Variants in PRRC2B observed in about 807,000 individuals in gnomAD.
PRRC2B encodes proline rich coiled-coil 2B, also known as protein PRRC2B.
In PRRC2B, 68 loss-of-function variants were observed where a neutral mutation model predicts 242.3. That is an observed-to-expected ratio of 0.28 (90% CI 0.23 to 0.34). PRRC2B has a LOEUF of 0.34. Among genes scored for constraint, PRRC2B ranks in the 10% least tolerant of loss-of-function variants. The pLI, the probability that PRRC2B is intolerant of heterozygous loss-of-function variation, is 1.00. For missense variants in PRRC2B, 2,835 were observed against 2,954.8 expected, an observed-to-expected ratio of 0.96 and a Z score of 0.94; for synonymous variants, 1,228 against 1,173.6, an observed-to-expected ratio of 1.05 and a Z score of -0.95.
chr9:131,476,738 A>T (rs558247170), intron 16 of PRRC2B, among the ~76,000 whole-genome samples: 177 of 68,924 alleles, frequency 2.6e-3, no homozygotes, highest in Non-Finnish European at 4.6e-3. Flanking sequence ...TCCCACCCCC[A>T]CCCCCACCCC....
chr9:131,452,640 C>T (rs1445149610), intron 9 of PRRC2B, among the ~76,000 whole-genome samples: 4 of 151,560 alleles, frequency 2.6e-5, no homozygotes, highest in African/African-American at 9.7e-5. Flanking sequence ...TTAATCTTTA[C>T]GAAGCAGCAG....
At chr9:131,404,867 T>C (rs1377280030) in intron 1 of PRRC2B, among the ~76,000 whole-genome samples, 1 of 152,226 alleles carries the variant, frequency 6.6e-6, no homozygotes, top group African/African-American at 2.4e-5. Context: ...TTGGTCAAAC[T>C]GTACCAGATT....
chr9:131,413,935 G>A (rs896459712), intron 1 of PRRC2B, among the ~76,000 whole-genome samples: 16 of 152,144 alleles, frequency 1.1e-4, no homozygotes, highest in African/African-American at 3.9e-4. Flanking sequence ...CTCCCAAAGT[G>A]CTGGGATTAC....
chr9:131,479,873 G>T (rs1247015538), intron 19 of PRRC2B, among the ~76,000 whole-genome samples: 1 of 152,156 alleles, frequency 6.6e-6, no homozygotes, highest in African/African-American at 2.4e-5. Context: ...ACTGAGACCA[G>T]AAGACGGTAT....
rs780439828 is a variant in PRRC2B at position 131,479,271 on chromosome 9, G to A, written c.4778G>A (p.Gly1593Asp). Residue 1593 changes from glycine (G) to aspartate (D), a missense_variant, in exon 19 of 32, where the codon GGC becomes GAC. Gly to Asp is a moderately conservative substitution (Grantham distance 94, BLOSUM62 -1). Coordinates refer to ENST00000683519, the MANE Select transcript of PRRC2B (RefSeq NM_013318.4). ...QAVQVPVKGR[G>D]LSSRIPPRFA... ...CCTCAGGTGCCTGTCAAAGGTCGAG[G>A]CCTTTCCTCCCGTATTCCTCCTCGA... 3 of 1,613,688 alleles carry A rather than the reference G, an allele frequency of 1.9e-6. No individual in the cohort carries two copies. The African/African-American group carries it at 4.0e-5, about 22-fold the overall frequency.
Position 131,435,979 on chromosome 9 carries a change from A to G in PRRC2B, c.294-641A>G, listed in dbSNP as rs142493159. 1.0e-3 allele frequency among the ~76,000 whole-genome samples: 152 copies of G among 152,324 alleles called. 1 individual carries two copies. Among genetic ancestry groups the G allele is most frequent in the African/African-American group, 3.3e-3 (139 of 41,568 alleles). Reference sequence around the variant, plus strand: ...TGTTCTGTGTTACCTAGTTTTATTTATAAGTTTATTTTTACTATGAGCATG... The same window carrying G: ...TGTTCTGTGTTACCTAGTTTTATTTGTAAGTTTATTTTTACTATGAGCATG... On this transcript the variant is annotated intron_variant, in intron 3 of 31. Coordinates refer to ENST00000683519, the MANE Select transcript of PRRC2B (RefSeq NM_013318.4).
In PRRC2B at chr9:131,432,690, G is replaced by C; in HGVS notation, c.189G>C (p.Leu63=). ...GGCGCATGCCACCGCCTGCAAACCTGCCAAGCTTGAAGTCTGAAAACAAAG... is the reference window on the plus strand; with the variant it reads ...GGCGCATGCCACCGCCTGCAAACCTCCCAAGCTTGAAGTCTGAAAACAAAG... The part of the protein sequence containing the change: ...AARRMPPPAN[L]PSLKSENKGN... Residue 63 remains leucine, a synonymous_variant, in exon 3 of 32, where the codon CTG becomes CTC. Coordinates refer to ENST00000683519, the MANE Select transcript of PRRC2B (RefSeq NM_013318.4). 6.2e-7 allele frequency: 1 copy of C among 1,613,844 alleles called. No individual in the cohort carries two copies. The highest frequency in any genetic ancestry group is 8.5e-7 in the Non-Finnish European group (1 of 1,179,848).
chr9:131,418,083 CAG>C (rs1428663664), intron 1 of PRRC2B, among the ~76,000 whole-genome samples: 4 of 152,238 alleles, frequency 2.6e-5, no homozygotes, highest in Admixed American at 6.5e-5. Context: ...GCCCCGGAGG[CAG>C]AGAGTTCAGC....
At chr9:131,437,134 GA>G (rs1031848159) in intron 4 of PRRC2B, among the ~76,000 whole-genome samples, 17 of 152,238 alleles carry the variant, frequency 1.1e-4, no homozygotes, top group Admixed American at 2.0e-4. Context: ...AGGTGAGTTT[GA>G]AAAACAAAAC....
chr9:131,482,639 T>C lies in PRRC2B; in HGVS notation c.5176-71T>C, dbSNP rs1366360247. ...TCGTCTCATCATCTTCCTCAATTCC[T>C]GGGACAGTAGAAGCTAGAGAGTGTG... On this transcript the variant is annotated intron_variant, in intron 21 of 31. Transcript: ENST00000683519. The surrounding 1 kb of genome is among the most constrained non-coding windows in gnomAD (Gnocchi z 5.2). 3 of 1,522,766 alleles carry C rather than the reference T, an allele frequency of 2.0e-6. No homozygotes were observed. Among genetic ancestry groups the C allele is most frequent in the Non-Finnish European group, 1.8e-6 (2 of 1,131,764 alleles). The allele number at this position is 1,522,766 out of a possible 1,614,324, so 94.3% of individuals were successfully genotyped here. A position where few individuals can be genotyped will look rare whatever the true frequency, so the allele number is the denominator to read the frequency against.
intron 1 of PRRC2B, among the ~76,000 whole-genome samples, chr9:131,420,509 T>TCTTTCTTTCTTTCTTTC (rs1299551586): frequency 2.6e-5 from 1 of 38,606 alleles, no homozygotes; most frequent in East Asian, 1.1e-3. Flanking sequence ...TTTTTTTTTT[T>TCTTTCTTTCTTTCTTTC]TGAGATGGAG....
upstream of PRRC2B, among the ~76,000 whole-genome samples, chr9:131,393,655 G>A (rs2131271815): frequency 6.6e-6 from 1 of 152,352 alleles, no homozygotes; most frequent in Non-Finnish European, 1.5e-5. Context: ...GAAGGGGGAG[G>A]GGGCGGAGAT....
chr9:131,495,918 C>T lies in PRRC2B; in HGVS notation c.*44C>T. 6.3e-7 allele frequency: 1 copy of T among 1,582,446 alleles called. No homozygotes were observed. On this transcript the variant is annotated 3_prime_UTR_variant, in exon 32 of 32. Coordinates refer to ENST00000683519, the MANE Select transcript of PRRC2B (RefSeq NM_013318.4). ...TCGCCTCTCCCTACTGAGGACGGTG[C>T]CGCCATGCGGCCTCGACACAGCCGA... is the stretch of plus-strand genomic sequence containing the variant.
intron 1 of PRRC2B, among the ~76,000 whole-genome samples, chr9:131,386,381 T>C (rs1269428738): frequency 6.7e-6 from 1 of 150,164 alleles, no homozygotes; most frequent in Admixed American, 6.9e-5. Flanking sequence ...CCTCCCAGAG[T>C]CCCGTGATTA....
chr9:131,387,781 A>G (rs1363375872), intron 1 of PRRC2B, among the ~76,000 whole-genome samples: 1 of 150,566 alleles, frequency 6.6e-6, no homozygotes, highest in African/African-American at 2.4e-5. Flanking sequence ...TATAAAATAC[A>G]TGCCGGACTT....
At position 131,482,895 on chromosome 9, in the gene PRRC2B, A is replaced by T. The variant is rs1354475025; in HGVS notation, c.5361A>T (p.Gly1787=). The change falls in exon 22 of 32, where the codon GGA becomes GGT. Residue 1787 remains glycine, a synonymous_variant. Transcript: ENST00000683519. This position sits in a 1 kb window ranked among gnomAD's most constrained non-coding sequence, Gnocchi z 5.2. ...SVLPVPPIEF[G]VSPKDSDFSL... is the part of the protein sequence containing the mutation. ...TGCCTGTGCCACCCATTGAATTTGG[A>T]GTCAGTCCAAAAGTGAGGCTTTGAT... 5.0e-6 allele frequency: 8 copies of T among 1,606,052 alleles called. 1 individual carries two copies. The Admixed American group carries it at 1.0e-4, about 21-fold the overall frequency.
rs555329393 is a variant in PRRC2B at position 131,496,676 on chromosome 9, G to A, written c.*802G>A. 1 of 152,388 alleles carries A rather than the reference G, an allele frequency of 6.6e-6. No homozygotes were observed. The highest frequency in any genetic ancestry group is 6.5e-5 in the Admixed American group (1 of 15,308). The allele number at this position is 152,388 out of a possible 1,614,324, so 9.4% of individuals were successfully genotyped here. ...CAGCTCCTGGCTTGATGAGCCCAGGGCGCTTACAGGCAGCCCATGAAGTTG... is the reference window on the plus strand; with the variant it reads ...CAGCTCCTGGCTTGATGAGCCCAGGACGCTTACAGGCAGCCCATGAAGTTG... On this transcript the variant is annotated 3_prime_UTR_variant, in exon 32 of 32. Coordinates refer to ENST00000683519, the MANE Select transcript of PRRC2B (RefSeq NM_013318.4).
rs150258585 is a variant in PRRC2B at position 131,468,969 on chromosome 9, G to A, written c.1911+1216G>A. 1.6e-4 allele frequency among the ~76,000 whole-genome samples: 25 copies of A among 152,216 alleles called. No homozygotes were observed. The East Asian group carries it at 4.2e-3, about 26-fold the overall frequency. On this transcript the variant is annotated intron_variant, in intron 13 of 31. Coordinates refer to ENST00000683519, the MANE Select transcript of PRRC2B (RefSeq NM_013318.4). The stretch of plus-strand genomic sequence containing the variant: ...GGGGGAGAGCTCTGGAATTACTTGC[G>A]CCAAACCTAGCAGCGACAATTGCTC...
intron 1 of PRRC2B, among the ~76,000 whole-genome samples, chr9:131,412,210 T>G (rs1243570412): frequency 6.6e-6 from 1 of 152,186 alleles, no homozygotes; most frequent in Admixed American, 6.5e-5. Flanking sequence ...GTGGACAGGC[T>G]TCTGTTTGTT....
Sources: gnomAD v4.1 joint callset for allele counts (sites outside exome capture counted in the v4.1 genomes callset) on GRCh38, gnomAD v4.1.1 for gene constraint, Gnocchi (gnomAD v3.1) non-coding constraint, MANE v1.5 for transcripts, NCBI Gene and HGNC (gene_info 2026-07-23, HGNC 2026-07-21) for gene names.